The following LPAR1 variants were observed in gnomAD, a reference collection of about 807,000 sequenced individuals.
LPAR1 encodes the protein LPA receptor 1.
In LPAR1, 5 loss-of-function variants were observed where a neutral mutation model predicts 23.8. The ratio of observed to expected loss-of-function variants is 0.21; its 90% CI spans 0.11 to 0.44. The LOEUF is 0.44. Ranked by LOEUF, LPAR1 falls within the 20% of genes least tolerant of loss-of-function variation. LPAR1 has a pLI of 0.99. For missense variants in LPAR1, 311 were observed against 482.8 expected, an observed-to-expected ratio of 0.64 and a Z score of 3.33; for synonymous variants, 160 against 164.7, an observed-to-expected ratio of 0.97 and a Z score of 0.22.
chr9:110,916,217 G>A (rs969887893), intron 5 of LPAR1, among the ~76,000 whole-genome samples: 10 of 152,200 alleles, frequency 6.6e-5, no homozygotes, highest in Admixed American at 2.0e-4. Context: ...ATAACCTTAC[G>A]AGATGGGACT....
In LPAR1 at chr9:111,001,439, T is replaced by C. The variant is rs550577151; in HGVS notation, c.-181-27881A>G. On this transcript the variant is annotated intron_variant, in intron 2 of 5. Transcript: ENST00000683809. ...TTGTTCCAGGCTAGACATTCAGAGGTACACAAAGTTTCAAAACAGTCTTAC... is the reference window on the plus strand; with the variant it reads ...TTGTTCCAGGCTAGACATTCAGAGGCACACAAAGTTTCAAAACAGTCTTAC... Among the ~76,000 whole-genome samples, 6 of 151,956 alleles carry C rather than the reference T, an allele frequency of 3.9e-5. No homozygotes were observed. In the South Asian group the frequency reaches 1.2e-3, roughly 31 times the overall value.
intron 5 of LPAR1, among the ~76,000 whole-genome samples, chr9:110,915,483 T>TTGTAGTGAGCAGAGA (rs1447765075): frequency 6.6e-6 from 1 of 151,894 alleles, no homozygotes. Flanking sequence ...GAGGTGGAGG[T>TTGTAGTGAGCAGAGA]TGTAGTGAGC....
At chr9:110,951,487 G>A (rs970257196) in intron 4 of LPAR1, among the ~76,000 whole-genome samples, 1 of 152,158 alleles carries the variant, frequency 6.6e-6, no homozygotes, top group Admixed American at 6.5e-5. Flanking sequence ...GATGTGGATA[G>A]GCAATTCACA....
chr9:111,029,731 C>G (rs567480596), intron 2 of LPAR1, among the ~76,000 whole-genome samples: 1 of 151,856 alleles, frequency 6.6e-6, no homozygotes, highest in Non-Finnish European at 1.5e-5. Context: ...GAGCGGGGAC[C>G]GTACTTTCTT....
At chr9:110,931,988 T>C (rs895799960) in intron 5 of LPAR1, among the ~76,000 whole-genome samples, 3 of 151,936 alleles carry the variant, frequency 2.0e-5, no homozygotes, top group Non-Finnish European at 4.4e-5. Flanking sequence ...TGGCTTAGGA[T>C]TGACTTGGCA....
intron 4 of LPAR1, among the ~76,000 whole-genome samples, chr9:110,960,517 T>G (rs1182051876): frequency 1.3e-5 from 2 of 152,202 alleles, no homozygotes; most frequent in Non-Finnish European, 2.9e-5. Flanking sequence ...CTGACTTGTT[T>G]TATGTATTAA....
At chr9:110,888,421 T>C (rs560473944) in intron 5 of LPAR1, among the ~76,000 whole-genome samples, 3 of 152,310 alleles carry the variant, frequency 2.0e-5, no homozygotes, top group East Asian at 3.9e-4. Context: ...AGTTCTTTTT[T>C]TCCCCCAATT....
At chr9:111,026,331 C>T (rs1236534448) in intron 2 of LPAR1, among the ~76,000 whole-genome samples, 1 of 152,130 alleles carries the variant, frequency 6.6e-6, no homozygotes. Context: ...CTCTGTTCGT[C>T]TATTAATGAT....
chr9:111,031,507 A>C (rs1270519288), intron 2 of LPAR1, among the ~76,000 whole-genome samples: 1 of 152,158 alleles, frequency 6.6e-6, no homozygotes, highest in African/African-American at 2.4e-5. Flanking sequence ...GCTACTTGGA[A>C]GGCTGTAGTG....
At chr9:110,883,253 C>T (rs1246092209) in intron 5 of LPAR1, among the ~76,000 whole-genome samples, 7 of 152,126 alleles carry the variant, frequency 4.6e-5, no homozygotes, top group Non-Finnish European at 8.8e-5. Context: ...CCAGGCTGGT[C>T]TTGAATTGCT....
intron 5 of LPAR1, among the ~76,000 whole-genome samples, chr9:110,883,790 A>G (rs1319845367): frequency 6.6e-6 from 1 of 152,182 alleles, no homozygotes; most frequent in East Asian, 1.9e-4. Context: ...ATTTATCCCC[A>G]AAGACATTTC....
At chr9:110,993,995 T>C (rs566926702) in intron 2 of LPAR1, among the ~76,000 whole-genome samples, 10 of 152,276 alleles carry the variant, frequency 6.6e-5, no homozygotes, top group African/African-American at 2.4e-4. Flanking sequence ...TTACAAAGAC[T>C]CAAACACTTC....
intron 4 of LPAR1, among the ~76,000 whole-genome samples, chr9:110,951,756 T>C (rs1274334155): frequency 6.6e-6 from 1 of 151,804 alleles, no homozygotes; most frequent in Non-Finnish European, 1.5e-5. Context: ...ATCAAAAGAT[T>C]CTAACCCTAG....
chr9:110,999,609 TG>T (rs2140104932), intron 2 of LPAR1: 1 of 358,746 alleles, frequency 2.8e-6, no homozygotes, highest in African/African-American at 2.1e-5. Flanking sequence ...ACAACAAAGT[TG>T]GGCTCTGATG....
intron 2 of LPAR1, among the ~76,000 whole-genome samples, chr9:111,012,913 C>T (rs2097361862): frequency 6.6e-6 from 1 of 152,040 alleles, no homozygotes; most frequent in Non-Finnish European, 1.5e-5. Context: ...CTGGATTCAG[C>T]CTGTAACTTT....
intron 5 of LPAR1, among the ~76,000 whole-genome samples, chr9:110,878,649 G>C (rs754444069): frequency 2.6e-5 from 4 of 152,064 alleles, no homozygotes; most frequent in Non-Finnish European, 5.9e-5. Flanking sequence ...AGAAATAATA[G>C]CTCCCTGCCT....
intron 2 of LPAR1, among the ~76,000 whole-genome samples, chr9:111,008,466 T>C (rs2097263208): frequency 6.6e-6 from 1 of 151,994 alleles, no homozygotes. Context: ...AACTAGGGAG[T>C]CTGTCAGCCG....
intron 2 of LPAR1, among the ~76,000 whole-genome samples, chr9:111,018,126 T>C (rs568708856): frequency 6.6e-6 from 1 of 152,328 alleles, no homozygotes; most frequent in South Asian, 2.1e-4. Context: ...GACAAAACTG[T>C]GGATGAGTGA....
intron 2 of LPAR1, among the ~76,000 whole-genome samples, chr9:110,978,069 C>T (rs1054278332): frequency 2.0e-5 from 3 of 152,072 alleles, no homozygotes; most frequent in Admixed American, 6.5e-5. Flanking sequence ...CAAATATTTA[C>T]TTAAGAAATA....
Sources: allele counts gnomAD v4.1 joint callset (sites outside exome capture counted in the v4.1 genomes callset), GRCh38; gene constraint gnomAD v4.1.1; transcripts MANE v1.5; gene names NCBI Gene and HGNC (gene_info 2026-07-23, HGNC 2026-07-21).